The following UNC13C variants were observed in gnomAD, a reference collection of about 807,000 sequenced individuals.
UNC13C encodes the protein protein unc-13 homolog C.
In UNC13C, 174 loss-of-function variants were observed where a neutral mutation model predicts 245.4. The ratio of observed to expected loss-of-function variants is 0.71; its 90% confidence interval spans 0.63 to 0.80. UNC13C has a LOEUF of 0.80. Ranked by LOEUF, UNC13C falls within the 30% of genes least tolerant of loss-of-function variation. The pLI, the probability that UNC13C is intolerant of heterozygous loss-of-function variation, is 0.00. For synonymous variants in UNC13C, 992 were observed against 895.1 expected (o/e 1.11, Z -1.93); for missense variants, 2,829 against 2,602.9 (o/e 1.09, Z -1.89).
At chr15:54,622,505 T>TA (rs1900859190) in intron 31 of UNC13C, 86 bp downstream of exon 31, 7 of 1,065,636 alleles carry the variant, frequency 6.6e-6, no homozygotes, top group African/African-American at 1.6e-5. Flanking sequence ...TTCTTGCATT[T>TA]AAAAAAACTG....
At chr15:54,152,689 C>A (rs2032573558) in intron 4 of UNC13C, among the ~76,000 whole-genome samples, 3 of 152,136 alleles carry the variant, frequency 2.0e-5, no homozygotes, top group South Asian at 4.1e-4. Context: ...AGAATAATCA[C>A]TTGTGTTAGA....
intron 2 of UNC13C, among the ~76,000 whole-genome samples, chr15:54,079,217 T>A (rs1898803402): frequency 6.6e-6 from 1 of 152,160 alleles, no homozygotes. Context: ...ACCATAGCTT[T>A]GTAGTATAGT....
rs540087081 is a variant in UNC13C, at chr15:54,597,068, G to A, written c.6107-25259G>A. Among the ~76,000 whole-genome samples the A allele has an allele frequency of 3.9e-5, 6 of 152,292 alleles. No homozygotes were observed. The South Asian group carries it at 1.0e-3, about 26-fold the overall frequency. On this transcript the variant is annotated intron_variant, in intron 30 of 32. Coordinates refer to ENST00000260323, the MANE Select transcript of UNC13C (RefSeq NM_001080534.3). ...CCAGAGACTGGTTTCATCTTGGGCAGTTTCATCCCAAAACTCATAAGGAGT... is the reference window on the plus strand; with the variant it reads ...CCAGAGACTGGTTTCATCTTGGGCAATTTCATCCCAAAACTCATAAGGAGT...
chr15:54,150,405 A>T (rs2032463985), intron 4 of UNC13C, among the ~76,000 whole-genome samples: 1 of 152,224 alleles, frequency 6.6e-6, no homozygotes, highest in African/African-American at 2.4e-5. Flanking sequence ...TGATTGTATC[A>T]TGCCTGTTAG....
chr15:54,186,842 T>TATATATATATATATATATATATATAC (rs1201006554), intron 4 of UNC13C, among the ~76,000 whole-genome samples: 5 of 116,616 alleles, frequency 4.3e-5, no homozygotes, highest in African/African-American at 2.3e-4. Flanking sequence ...ACATAATATA[T>TATATATATATATATATATATATATAC]ATGTATATAT....
chr15:54,629,947 T>G (rs1901417506), downstream of UNC13C: 1 of 151,084 alleles, frequency 6.6e-6, no homozygotes, highest in African/African-American at 2.5e-5. Flanking sequence ...TTCTGTAGAC[T>G]CTGTTTTCCT....
intron 14 of UNC13C, among the ~76,000 whole-genome samples, chr15:54,325,052 C>A (rs2038260632): frequency 6.6e-6 from 1 of 151,800 alleles, no homozygotes; most frequent in Admixed American, 6.6e-5. Flanking sequence ...TATTGTGGCT[C>A]ATGGAAGCCA....
At chr15:54,413,330 A>T (rs1187864135) in intron 18 of UNC13C, among the ~76,000 whole-genome samples, 1 of 152,078 alleles carries the variant, frequency 6.6e-6, no homozygotes, top group African/African-American at 2.4e-5. Context: ...AAATTAAAAT[A>T]GCTAAGCAAT....
chr15:53,936,547 G>T, the UNC13C span, among the ~76,000 whole-genome samples: 31 of 152,188 alleles, frequency 2.0e-4, no homozygotes, highest in Admixed American at 9.2e-4. Context: ...CTTTAAGTGA[G>T]ACCCTGGTCC....
At chr15:53,988,760 G>A (rs538696463) in intron 1 of UNC13C, among the ~76,000 whole-genome samples, 11 of 151,870 alleles carry the variant, frequency 7.2e-5, no homozygotes, top group Admixed American at 3.9e-4. Context: ...AAAATCTACT[G>A]TTTGTTGAAA....
At chr15:54,063,565 T>G (rs964749539) in intron 2 of UNC13C, among the ~76,000 whole-genome samples, 2 of 152,168 alleles carry the variant, frequency 1.3e-5, no homozygotes, top group African/African-American at 4.8e-5. Flanking sequence ...TTTATTCTCC[T>G]AGATTCAGAA....
At chr15:54,019,857 A>G (rs918926566) in intron 2 of UNC13C, among the ~76,000 whole-genome samples, 2 of 152,130 alleles carry the variant, frequency 1.3e-5, no homozygotes, top group African/African-American at 2.4e-5. Context: ...TGTTCCTGGG[A>G]TGTTATTTTA....
intron 30 of UNC13C, among the ~76,000 whole-genome samples, chr15:54,585,767 A>C (rs1898458484): frequency 1.3e-5 from 2 of 152,196 alleles, no homozygotes. Flanking sequence ...AGACAGAAAA[A>C]AATCTCACCT....
intron 1 of UNC13C, among the ~76,000 whole-genome samples, chr15:53,988,939 A>G (rs569228324): frequency 6.6e-6 from 1 of 152,130 alleles, no homozygotes; most frequent in South Asian, 2.1e-4. Flanking sequence ...CCATATTGTC[A>G]GTATTTTTAA....
intron 4 of UNC13C, among the ~76,000 whole-genome samples, chr15:54,176,328 G>C (rs1407213080): frequency 1.3e-5 from 2 of 152,144 alleles, no homozygotes; most frequent in African/African-American, 4.8e-5. Context: ...TACAGTGAAA[G>C]TACTGAGATT....
At chr15:53,862,084 T>C in the UNC13C span, among the ~76,000 whole-genome samples, 2 of 152,094 alleles carry the variant, frequency 1.3e-5, no homozygotes, top group East Asian at 3.9e-4. Context: ...TTTCACAGTT[T>C]TGGAGGCTAG....
intron 4 of UNC13C, among the ~76,000 whole-genome samples, chr15:54,196,852 A>C (rs1265412950): frequency 1.3e-5 from 2 of 152,166 alleles, no homozygotes; most frequent in Non-Finnish European, 2.9e-5. Context: ...TAAAAACCTA[A>C]AGGAACAGTC....
At chr15:53,956,159 T>C in the UNC13C span, among the ~76,000 whole-genome samples, 2 of 152,066 alleles carry the variant, frequency 1.3e-5, 1 homozygote, top group South Asian at 4.1e-4. Context: ...CTGACAACAG[T>C]AGAACTGGGG....
chr15:53,849,750 G>A, the UNC13C span, among the ~76,000 whole-genome samples: 1 of 152,050 alleles, frequency 6.6e-6, no homozygotes, highest in Non-Finnish European at 1.5e-5. Flanking sequence ...AATTATCATG[G>A]AAGGGCAACC....
Sources: gnomAD v4.1 joint callset for allele counts (sites outside exome capture counted in the v4.1 genomes callset) on GRCh38, gnomAD v4.1.1 for gene constraint, MANE v1.5 for transcripts, NCBI Gene and HGNC (gene_info 2026-07-23, HGNC 2026-07-21) for gene names.